The following NELL1 variants were observed in gnomAD, a reference collection of about 807,000 sequenced individuals.
NELL1 encodes protein kinase C-binding protein NELL1.
In NELL1, 76 loss-of-function variants were observed where a neutral mutation model predicts 107.4. The ratio of observed to expected loss-of-function variants is 0.71; its 90% CI spans 0.59 to 0.86. NELL1 has a LOEUF of 0.86. Ranked by LOEUF, NELL1 falls within the 40% of genes least tolerant of loss-of-function variation. The probability of loss-of-function intolerance (pLI) is 0.00; values close to 1 mark genes in which losing one functional copy is unlikely to be tolerated. For missense variants in NELL1, 1,024 were observed against 1,005.5 expected, an observed-to-expected ratio of 1.02 and a Z score of -0.25; for synonymous variants, 353 against 341.2, an observed-to-expected ratio of 1.03 and a Z score of -0.38.
At chr11:20,892,620 A>T (rs1001970347) in intron 5 of NELL1, among the ~76,000 whole-genome samples, 15 of 152,214 alleles carry the variant, frequency 9.9e-5, no homozygotes, top group African/African-American at 3.4e-4. Context: ...TCTACTGTGA[A>T]GACACATGCG....
At chr11:20,702,381 G>C (rs1341846933) in intron 2 of NELL1, among the ~76,000 whole-genome samples, 1 of 151,912 alleles carries the variant, frequency 6.6e-6, no homozygotes, top group Non-Finnish European at 1.5e-5. Context: ...CTTTGCTGAA[G>C]TTGCTTATCA....
At chr11:21,287,248 C>G (rs755774322) in intron 14 of NELL1, among the ~76,000 whole-genome samples, 4 of 151,502 alleles carry the variant, frequency 2.6e-5, no homozygotes, top group Non-Finnish European at 5.9e-5. Flanking sequence ...TCACCAACAC[C>G]TTCTTCCTCA....
chr11:21,446,700 G>A (rs745708896), intron 15 of NELL1, among the ~76,000 whole-genome samples: 4 of 152,182 alleles, frequency 2.6e-5, no homozygotes, highest in Non-Finnish European at 5.9e-5. Flanking sequence ...CAGCACCACT[G>A]GGACTTCACT....
chr11:20,692,128 A>T (rs1451251406), intron 2 of NELL1, among the ~76,000 whole-genome samples: 2 of 151,526 alleles, frequency 1.3e-5, no homozygotes, highest in South Asian at 4.2e-4. Context: ...ATCGGTGGTG[A>T]TATCCCCTTT....
At chr11:21,205,310 C>T (rs1333576316) in intron 13 of NELL1, among the ~76,000 whole-genome samples, 1 of 152,138 alleles carries the variant, frequency 6.6e-6, no homozygotes, top group Non-Finnish European at 1.5e-5. Flanking sequence ...GATGCCCTGC[C>T]TAGAGAGGAG....
chr11:20,912,871 AT>A (rs1850162734), intron 5 of NELL1, among the ~76,000 whole-genome samples: 1 of 152,110 alleles, frequency 6.6e-6, no homozygotes, highest in South Asian at 2.1e-4. Flanking sequence ...TTTAATTCTT[AT>A]TTTTCCTTTC....
intron 14 of NELL1, among the ~76,000 whole-genome samples, chr11:21,322,329 T>A (rs1590835710): frequency 6.6e-6 from 1 of 152,272 alleles, no homozygotes; most frequent in East Asian, 1.9e-4. Context: ...ATGGCATCTA[T>A]GGTTCCTTCT....
chr11:20,692,262 G>C (rs1565309808), intron 2 of NELL1, among the ~76,000 whole-genome samples: 1 of 139,248 alleles, frequency 7.2e-6, no homozygotes, highest in Non-Finnish European at 1.6e-5. Flanking sequence ...TTTTTTGAAG[G>C]GTTTTTTTTT....
intron 12 of NELL1, among the ~76,000 whole-genome samples, chr11:21,041,348 C>T (rs1399611122): frequency 1.3e-5 from 2 of 152,116 alleles, no homozygotes; most frequent in Non-Finnish European, 2.9e-5. Context: ...AATATAATAT[C>T]ATGGCATTAA....
At position 21,560,061 on chromosome 11, in the gene NELL1, A is replaced by G. The variant is rs574931658; in HGVS notation, c.1787-128A>G. 41 of 831,772 alleles carry G rather than the reference A, an allele frequency of 4.9e-5. No individual in the cohort carries two copies. In the Middle Eastern group the frequency reaches 1.1e-3, roughly 23 times the overall value. The allele number at this position is 831,772 out of a possible 1,614,324, so 51.5% of individuals were successfully genotyped here. ...AGTGTAAATGAGATAATACATGTGA[A>G]CAGCTTGGCAGTACCTAGCACAAGG... On this transcript the variant is annotated intron_variant, in intron 16 of 19. Coordinates refer to ENST00000357134, the MANE Select transcript of NELL1 (RefSeq NM_006157.5).
chr11:20,708,152 A>T (rs937824266), intron 2 of NELL1, among the ~76,000 whole-genome samples: 1 of 152,258 alleles, frequency 6.6e-6, no homozygotes, highest in Non-Finnish European at 1.5e-5. Flanking sequence ...AACCAGGCAC[A>T]GGATATAATC....
At chr11:21,470,296 T>G (rs1854142523) in intron 15 of NELL1, among the ~76,000 whole-genome samples, 2 of 152,036 alleles carry the variant, frequency 1.3e-5, no homozygotes, top group Non-Finnish European at 2.9e-5. Context: ...TTGCTTAGAC[T>G]CGAGAGAGCA....
chr11:21,150,495 T>A (rs1468977804), intron 13 of NELL1, among the ~76,000 whole-genome samples: 1 of 152,120 alleles, frequency 6.6e-6, no homozygotes, highest in African/African-American at 2.4e-5. Flanking sequence ...AAGAAGGGCA[T>A]GAGGGACTGG....
intron 2 of NELL1, among the ~76,000 whole-genome samples, chr11:20,746,019 G>C (rs1216987479): frequency 6.6e-6 from 1 of 152,120 alleles, no homozygotes; most frequent in African/African-American, 2.4e-5. Flanking sequence ...TAACTAATAA[G>C]AAGATAGGTG....
intron 15 of NELL1, among the ~76,000 whole-genome samples, chr11:21,526,047 A>C (rs1446181872): frequency 2.0e-5 from 3 of 152,244 alleles, no homozygotes; most frequent in African/African-American, 7.2e-5. Flanking sequence ...CCAAAGTCTC[A>C]TCTGACACAA....
chr11:20,959,471 G>A (rs1851245527), intron 11 of NELL1, among the ~76,000 whole-genome samples: 2 of 152,144 alleles, frequency 1.3e-5, no homozygotes, highest in South Asian at 2.1e-4. Flanking sequence ...TATAGATGAT[G>A]GAATACTACT....
chr11:21,094,275 T>G (rs1031457690), intron 12 of NELL1, among the ~76,000 whole-genome samples: 3 of 152,168 alleles, frequency 2.0e-5, no homozygotes, highest in South Asian at 2.1e-4. Context: ...ATGAAAGAGG[T>G]GGGTTCCCAT....
chr11:21,082,280 T>C (rs1047681585), intron 12 of NELL1, among the ~76,000 whole-genome samples: 1 of 152,144 alleles, frequency 6.6e-6, no homozygotes, highest in African/African-American at 2.4e-5. Flanking sequence ...TTGATGGGGA[T>C]GCACTACAGG....
At chr11:21,347,963 G>C (rs1850720911) in intron 14 of NELL1, among the ~76,000 whole-genome samples, 1 of 152,148 alleles carries the variant, frequency 6.6e-6, no homozygotes, top group Admixed American at 6.5e-5. Context: ...TTAGGAGCTG[G>C]AAAGAGAATG....
Sources: gnomAD v4.1 joint callset for allele counts (sites outside exome capture counted in the v4.1 genomes callset) on GRCh38, gnomAD v4.1.1 for gene constraint, MANE v1.5 for transcripts, NCBI Gene and HGNC (gene_info 2026-07-23, HGNC 2026-07-21) for gene names.